Variants in SPRY3 observed in about 807,000 individuals in gnomAD.
SPRY3 encodes protein sprouty homolog 3.
Under a neutral mutation model 20.2 loss-of-function variants are expected in SPRY3, and 15 were observed. The observed-to-expected ratio is 0.74, with a 90% CI of 0.50 to 1.14. The LOEUF (loss-of-function observed/expected upper bound fraction) is 1.14. Ranked by LOEUF, SPRY3 falls within the 50% of genes most tolerant of loss-of-function variation. The pLI is 0.00. For synonymous variants in SPRY3, 143 were observed against 136.5 expected (o/e 1.05, Z -0.33); for missense variants, 364 against 363.9 (o/e 1.00, Z 0.00).
Position 155,717,611 on chromosome X carries a change from A to T in SPRY3, c.-281-50351A>T, listed in dbSNP as rs767081899. Reference sequence around the variant, plus strand: ...GTGATCTTCCCCTCCCTGTGTCCACATGTTCTCATTGTTCAACTCCCACTT... The same window carrying T: ...GTGATCTTCCCCTCCCTGTGTCCACTTGTTCTCATTGTTCAACTCCCACTT... On this transcript the variant is annotated intron_variant, in intron 2 of 3. Coordinates refer to ENST00000675360, the Ensembl canonical transcript of SPRY3. 1.3e-4 allele frequency among the ~76,000 whole-genome samples: 19 copies of T among 150,940 alleles called. No homozygotes were observed. The South Asian group carries it at 3.8e-3, about 30-fold the overall frequency.
chrX:155,765,934 A>C (rs1199770943), intron 2 of SPRY3, among the ~76,000 whole-genome samples: 1 of 152,180 alleles, frequency 6.6e-6, no homozygotes, highest in Non-Finnish European at 1.5e-5. Flanking sequence ...TGAGGAGCAA[A>C]AATTTGAACC....
intron 2 of SPRY3, among the ~76,000 whole-genome samples, chrX:155,743,123 G>C (rs1026872586): frequency 1.3e-5 from 2 of 152,014 alleles, no homozygotes; most frequent in African/African-American, 4.8e-5. Context: ...AATCAGAAAT[G>C]GTAAGGGGGA....
chrX:155,774,511 G>A (rs1296692821), exon 4 of SPRY3: 9 of 1,613,830 alleles, frequency 5.6e-6, no homozygotes, highest in African/African-American at 1.3e-5. Flanking sequence ...CTGCTCTTGT[G>A]GGCCTAGTTC....
intron 1 of SPRY3, among the ~76,000 whole-genome samples, chrX:155,653,722 T>A (rs1557352698): frequency 8.9e-6 from 1 of 112,291 alleles, no homozygotes; most frequent in Non-Finnish European, 1.9e-5. Flanking sequence ...CTAAATTGAT[T>A]TGGCTACTTG....
intron 2 of SPRY3, among the ~76,000 whole-genome samples, chrX:155,761,601 A>G (rs1375796765): frequency 6.6e-6 from 1 of 152,056 alleles, no homozygotes; most frequent in African/African-American, 2.4e-5. Context: ...TGGTAGTTCT[A>G]TTTTAAGCTT....
chrX:155,743,703 A>G lies in SPRY3; in HGVS notation c.-281-24259A>G, dbSNP rs2091213897. On this transcript the variant is annotated intron_variant, in intron 2 of 3. Transcript: ENST00000675360. ...AACACCAAATAATCCTCAACAAACA[A>G]ATGTACAAATAGTTCCTGAAATGAG... Among the ~76,000 whole-genome samples, 3 of 152,158 alleles carry G rather than the reference A, an allele frequency of 2.0e-5. No individual in the cohort carries two copies. In the South Asian group the frequency reaches 6.2e-4, roughly 32 times the overall value.
At chrX:155,627,160 T>C (rs114766759) in intron 1 of SPRY3, among the ~76,000 whole-genome samples, 3,272 of 111,642 alleles carry the variant, frequency 0.029, 111 homozygotes, top group African/African-American at 0.098. Context: ...GTCACCATAC[T>C]GTACGATAGA....
chrX:155,761,068 A>G lies in SPRY3; in HGVS notation c.-281-6894A>G, dbSNP rs534310404. Among the ~76,000 whole-genome samples the G allele has an allele frequency of 3.9e-5, 6 of 152,058 alleles. No homozygotes were observed. The South Asian group carries it at 1.2e-3, about 32-fold the overall frequency. On this transcript the variant is annotated intron_variant, in intron 2 of 3. Coordinates refer to ENST00000675360, the Ensembl canonical transcript of SPRY3. ...GGGTTATCCTGTGTTGAAATCTTAT[A>G]ACTCTGCCATGATTTTTTAGTTTCC...
chrX:155,714,166 G>A (rs2091005715), intron 2 of SPRY3, among the ~76,000 whole-genome samples: 1 of 151,992 alleles, frequency 6.6e-6, no homozygotes, highest in African/African-American at 2.4e-5. Flanking sequence ...TGTCTGAAAG[G>A]CCAGATATCT....
At chrX:155,767,919 GTTT>G (rs1440604921) in intron 2 of SPRY3, 40 bp from the exon 2 acceptor site, 1 of 127,892 alleles carries the variant, frequency 7.8e-6, no homozygotes, top group Non-Finnish European at 1.9e-5. Context: ...GTTTTGTTTT[GTTT>G]TGTTTTGTTT....
intron 1 of SPRY3, among the ~76,000 whole-genome samples, chrX:155,617,939 A>G (rs1182432003): frequency 1.8e-5 from 2 of 112,182 alleles, no homozygotes; most frequent in Non-Finnish European, 3.8e-5. Flanking sequence ...TACCCTTTAC[A>G]CAATTTCCTC....
intron 2 of SPRY3, among the ~76,000 whole-genome samples, chrX:155,712,493 G>A (rs146159891): frequency 2.5e-3 from 382 of 152,010 alleles, no homozygotes; most frequent in African/African-American, 8.9e-3. Context: ...TCTGATATAT[G>A]TATAGCTACT....
chrX:155,688,080 C>G (rs1188015022), intron 2 of SPRY3, among the ~76,000 whole-genome samples: 1 of 95,640 alleles, frequency 1.0e-5, no homozygotes, highest in Non-Finnish European at 2.1e-5. Flanking sequence ...GTTCTCCTCC[C>G]TGTGTCCATG....
exon 4 of SPRY3, chrX:155,775,103 CTG>C: frequency 3.4e-6 from 1 of 297,036 alleles, no homozygotes; most frequent in Non-Finnish European, 6.7e-6. Context: ...GATCGTCACT[CTG>C]TTTTCTGCTG....
At chrX:155,711,600 C>T (rs2090986847) in intron 2 of SPRY3, among the ~76,000 whole-genome samples, 1 of 151,188 alleles carries the variant, frequency 6.6e-6, no homozygotes. Flanking sequence ...TTTTTGAAAA[C>T]CAACTTTTGT....
At chrX:155,740,402 G>A (rs1236710734) in intron 2 of SPRY3, among the ~76,000 whole-genome samples, 2 of 152,106 alleles carry the variant, frequency 1.3e-5, no homozygotes, top group South Asian at 2.1e-4. Context: ...GCCTATAAAC[G>A]GACGTGCAAG....
intron 2 of SPRY3, among the ~76,000 whole-genome samples, chrX:155,748,397 CA>C (rs2124579823): frequency 6.6e-6 from 1 of 151,674 alleles, no homozygotes; most frequent in East Asian, 1.9e-4. Flanking sequence ...ATGTAATTAC[CA>C]AGAATAGAGT....
At position 155,617,900 on chromosome X, in the gene SPRY3, G is replaced by C. The variant is rs139689088; in HGVS notation, c.-441+5253G>C. 6.2e-3 allele frequency among the ~76,000 whole-genome samples: 697 copies of C among 111,927 alleles called. 6 individuals carry two copies. Among genetic ancestry groups the C allele is most frequent in the African/African-American group, 0.022 (672 of 30,880 alleles). Reference sequence around the variant, plus strand: ...GGAAATAATTGTCAATTCACAGGAAGTTTCCAAAAAATACAGGGAGACCTC... The same window carrying C: ...GGAAATAATTGTCAATTCACAGGAACTTTCCAAAAAATACAGGGAGACCTC... On this transcript the variant is annotated intron_variant, in intron 1 of 3. Transcript: ENST00000675360.
chrX:155,741,681 A>G (rs1391104244), intron 2 of SPRY3, among the ~76,000 whole-genome samples: 1 of 152,076 alleles, frequency 6.6e-6, no homozygotes. Context: ...CAAGCCAGAG[A>G]TTGGGAGCCA....
Sources: allele counts gnomAD v4.1 joint callset (sites outside exome capture counted in the v4.1 genomes callset), GRCh38; gene constraint gnomAD v4.1.1; transcripts MANE v1.5; gene names NCBI Gene and HGNC (gene_info 2026-07-23, HGNC 2026-07-21).